Variants in CNTN5 observed in about 807,000 individuals in gnomAD.
The protein encoded by CNTN5 is contactin-5.
In CNTN5, 77 loss-of-function variants were observed where a neutral mutation model predicts 129.1. The observed-to-expected ratio is 0.60, with a 90% CI of 0.50 to 0.72. The LOEUF (loss-of-function observed/expected upper bound fraction) is 0.72, where lower values mean the gene tolerates loss of function less well. Among genes scored for constraint, CNTN5 ranks in the 30% least tolerant of loss-of-function variants. The pLI, the probability that CNTN5 is intolerant of heterozygous loss-of-function variation, is 0.00. For missense variants in CNTN5, 1,478 were observed against 1,328.8 expected (o/e 1.11, Z -1.75); for synonymous variants, 509 against 465.6 (o/e 1.09, Z -1.20).
intron 3 of CNTN5, among the ~76,000 whole-genome samples, chr11:99,736,684 T>C (rs1416306547): frequency 6.6e-6 from 1 of 152,186 alleles, no homozygotes; most frequent in South Asian, 2.1e-4. Flanking sequence ...GTGAAATTAA[T>C]AGTAGAAGGA....
At chr11:99,950,489 A>AC (rs1415105047) in intron 7 of CNTN5, among the ~76,000 whole-genome samples, 1 of 152,186 alleles carries the variant, frequency 6.6e-6, no homozygotes, top group East Asian at 1.9e-4. Flanking sequence ...TCAAGTAAAA[A>AC]AAATAAAGTA....
chr11:99,148,092 A>G (rs1270920202), intron 1 of CNTN5, among the ~76,000 whole-genome samples: 1 of 152,080 alleles, frequency 6.6e-6, no homozygotes, highest in Non-Finnish European at 1.5e-5. Context: ...TATTACATTT[A>G]AAAAGTATGT....
At chr11:100,287,969 T>C (rs1257803471) in intron 18 of CNTN5, among the ~76,000 whole-genome samples, 1 of 151,970 alleles carries the variant, frequency 6.6e-6, no homozygotes. Context: ...CAGTCTCTGA[T>C]AAAACAGACT....
intron 4 of CNTN5, among the ~76,000 whole-genome samples, chr11:99,825,690 A>G (rs1044908867): frequency 6.6e-6 from 1 of 152,082 alleles, no homozygotes; most frequent in African/African-American, 2.4e-5. Context: ...GTTGATAGTT[A>G]TGTTCCCTTT....
chr11:99,728,146 C>CA (rs1943414909), intron 3 of CNTN5, among the ~76,000 whole-genome samples: 1 of 151,628 alleles, frequency 6.6e-6, no homozygotes, highest in African/African-American at 2.4e-5. Flanking sequence ...GAGTACGTTG[C>CA]AAAAAATGTA....
At chr11:99,432,978 G>A (rs576243343) in intron 2 of CNTN5, among the ~76,000 whole-genome samples, 3 of 149,418 alleles carry the variant, frequency 2.0e-5, no homozygotes, top group Non-Finnish European at 3.0e-5. Context: ...GAAAGAATGA[G>A]CGTTGTGACT....
chr11:100,292,395 A>C (rs1427136332), intron 18 of CNTN5, among the ~76,000 whole-genome samples: 1 of 152,000 alleles, frequency 6.6e-6, no homozygotes, highest in Non-Finnish European at 1.5e-5. Flanking sequence ...CTTCATGACC[A>C]CTTGGTTCAC....
rs182756205 is a variant in CNTN5 at position 99,075,517 on chromosome 11, A to G, written c.-210+54247A>G. On this transcript the variant is annotated intron_variant, in intron 1 of 24. Transcript: ENST00000524871. The stretch of plus-strand genomic sequence containing the variant: ...CAAATCAAAAGAAATGTAAAATTAG[A>G]AACAACATTTCAACCTGAGGCTAGC... Among the ~76,000 whole-genome samples, 500 of 152,342 alleles carry G rather than the reference A, an allele frequency of 3.3e-3. 2 individuals carry two copies. The highest frequency in any genetic ancestry group is 3.7e-3 in the African/African-American group (152 of 41,600).
At chr11:99,355,895 C>T (rs1162626763) in intron 2 of CNTN5, among the ~76,000 whole-genome samples, 5 of 149,932 alleles carry the variant, frequency 3.3e-5, no homozygotes, top group South Asian at 2.1e-4. Flanking sequence ...GGCGCTATCT[C>T]GGCTCACTGC....
chr11:99,444,692 A>T (rs1219179042), intron 2 of CNTN5, among the ~76,000 whole-genome samples: 1 of 152,078 alleles, frequency 6.6e-6, no homozygotes, highest in African/African-American at 2.4e-5. Context: ...TGTAGTATAG[A>T]TATACTTACA....
intron 3 of CNTN5, among the ~76,000 whole-genome samples, chr11:99,561,910 G>A (rs1283734037): frequency 6.6e-6 from 1 of 152,052 alleles, no homozygotes; most frequent in Non-Finnish European, 1.5e-5. Context: ...TAATGCTCAG[G>A]ACATTTCATC....
At position 99,606,791 on chromosome 11, in the gene CNTN5, C is replaced by T. The variant is rs963578130; in HGVS notation, c.55+50522C>T. On this transcript the variant is annotated intron_variant, in intron 3 of 24. Transcript: ENST00000524871. ...CAGAACAGAGCCCTCAGAAATAATG[C>T]CGCATATCTACAACTATCTGATCTT... Among the ~76,000 whole-genome samples the T allele has an allele frequency of 1.1e-3, 150 of 141,308 alleles. 1 individual carries two copies. The highest frequency in any genetic ancestry group is 1.8e-3 in the Non-Finnish European group (116 of 63,730). 92.7% of individuals were successfully genotyped at this position (141,308 alleles called of 152,430 possible).
At chr11:100,034,164 T>C (rs1941864029) in intron 9 of CNTN5, among the ~76,000 whole-genome samples, 1 of 152,208 alleles carries the variant, frequency 6.6e-6, no homozygotes, top group Admixed American at 6.5e-5. Flanking sequence ...AGTTTTTAAC[T>C]TCTGTATACC....
chr11:99,237,864 A>G (rs866307604), intron 1 of CNTN5, among the ~76,000 whole-genome samples: 5 of 152,300 alleles, frequency 3.3e-5, no homozygotes, highest in Admixed American at 2.6e-4. Flanking sequence ...ATTTTATCTC[A>G]TTATTGGTTA....
intron 16 of CNTN5, among the ~76,000 whole-genome samples, chr11:100,236,806 T>C (rs1949623666): frequency 6.6e-6 from 1 of 152,038 alleles, no homozygotes; most frequent in Non-Finnish European, 1.5e-5. Context: ...CTCTCACTGA[T>C]CTCCTACAAT....
rs1340595298 is a variant in CNTN5 at position 100,237,049 on chromosome 11, T to C, written c.2005+12237T>C. Among the ~76,000 whole-genome samples the C allele has an allele frequency of 2.7e-5, 4 of 150,100 alleles. No homozygotes were observed. The South Asian group carries it at 6.3e-4, about 24-fold the overall frequency. On this transcript the variant is annotated intron_variant, in intron 16 of 24. Transcript: ENST00000524871. ...CTAAAAATACAAAAAATTAGCCAGG[T>C]GTGGTGGTGGGCGCCTCTAGTCCCA...
At chr11:100,333,408 G>GAAAAAAAAAA (rs547220238) in intron 21 of CNTN5, among the ~76,000 whole-genome samples, 3 of 74,284 alleles carry the variant, frequency 4.0e-5, no homozygotes, top group Admixed American at 1.8e-4. Flanking sequence ...CACTGAATTA[G>GAAAAAAAAAA]AAAAAAAAAA....
chr11:99,785,003 G>A (rs1180366924), intron 3 of CNTN5, among the ~76,000 whole-genome samples: 2 of 151,794 alleles, frequency 1.3e-5, no homozygotes, highest in Admixed American at 6.6e-5. Context: ...GTTTCACCAT[G>A]TTAGCCAGGA....
intron 12 of CNTN5, among the ~76,000 whole-genome samples, chr11:100,072,614 T>A (rs887782336): frequency 1.3e-5 from 2 of 152,150 alleles, no homozygotes; most frequent in Non-Finnish European, 2.9e-5. Flanking sequence ...CTATTCCCCA[T>A]TTAAATTTAA....
Sources: gnomAD v4.1 joint callset for allele counts (sites outside exome capture counted in the v4.1 genomes callset) on GRCh38, gnomAD v4.1.1 for gene constraint, MANE v1.5 for transcripts, NCBI Gene and HGNC (gene_info 2026-07-23, HGNC 2026-07-21) for gene names.